Variants in CSMD3 observed in about 807,000 individuals in gnomAD.
CSMD3 encodes CUB and Sushi multiple domains 3, also known as CUB and sushi domain-containing protein 3.
Under a neutral mutation model 435.2 loss-of-function variants are expected in CSMD3, and 177 were observed. The ratio of observed to expected loss-of-function variants is 0.41; its 90% CI spans 0.36 to 0.46. The LOEUF (loss-of-function observed/expected upper bound fraction) is 0.46, where lower values mean the gene tolerates loss of function less well. CSMD3 is among the 20% of genes least tolerant of loss of function. The pLI is 0.34. For missense variants in CSMD3, 4,265 were observed against 4,504.6 expected, an observed-to-expected ratio of 0.95 and a Z score of 1.52; for synonymous variants, 1,656 against 1,520.5, an observed-to-expected ratio of 1.09 and a Z score of -2.07.
chr8:113,227,621 T>C (rs1455741180), intron 3 of CSMD3, among the ~76,000 whole-genome samples: 2 of 151,698 alleles, frequency 1.3e-5, no homozygotes, highest in South Asian at 4.1e-4. Context: ...GATAGTGAGT[T>C]CTCATGAGAT....
Position 113,200,076 on chromosome 8 carries a change from C to T in CSMD3, c.515-26160G>A, listed in dbSNP as rs527334722. Among the ~76,000 whole-genome samples the T allele has an allele frequency of 1.8e-4, 27 of 152,036 alleles. No individual in the cohort carries two copies. The South Asian group carries it at 5.6e-3, about 32-fold the overall frequency. On this transcript the variant is annotated intron_variant, in intron 3 of 70. Coordinates refer to ENST00000297405, the MANE Select transcript of CSMD3 (RefSeq NM_198123.2). The stretch of plus-strand genomic sequence containing the variant: ...TGCCTCATGGGAATCTCAAATTTCA[C>T]GTATCCAAAATGGGCTTCATGCTTT...
At chr8:112,609,575 G>C (rs1440127311) in intron 22 of CSMD3, among the ~76,000 whole-genome samples, 3 of 152,146 alleles carry the variant, frequency 2.0e-5, no homozygotes. Flanking sequence ...GGGAATTTAA[G>C]TTGGCACAGC....
At chr8:113,387,983 T>G (rs2094446403) in intron 1 of CSMD3, among the ~76,000 whole-genome samples, 1 of 151,654 alleles carries the variant, frequency 6.6e-6, no homozygotes, top group African/African-American at 2.4e-5. Flanking sequence ...ACCAGAAGCA[T>G]ATTATATTGT....
intron 9 of CSMD3, among the ~76,000 whole-genome samples, chr8:112,930,692 G>A (rs946832931): frequency 2.6e-5 from 4 of 151,958 alleles, no homozygotes; most frequent in Non-Finnish European, 5.9e-5. Context: ...TACTCTTGAC[G>A]TTTTTACCAG....
At chr8:113,355,743 TATATATACACACACAC>T (rs2094219947) in intron 1 of CSMD3, among the ~76,000 whole-genome samples, 1 of 104,810 alleles carries the variant, frequency 9.5e-6, no homozygotes, top group Admixed American at 9.8e-5. Flanking sequence ...TATATATATA[TATATATACACACACAC>T]ACACACACGG....
chr8:112,392,864 CTT>C (rs56809581), intron 35 of CSMD3, among the ~76,000 whole-genome samples: 21 of 122,150 alleles, frequency 1.7e-4, no homozygotes, highest in African/African-American at 1.9e-4. Context: ...TCTTTTTTTT[CTT>C]TTTTTTTTTT....
At chr8:112,708,288 A>G (rs1194046586) in intron 13 of CSMD3, among the ~76,000 whole-genome samples, 1 of 152,098 alleles carries the variant, frequency 6.6e-6, no homozygotes, top group Non-Finnish European at 1.5e-5. Flanking sequence ...TTCAAGATAT[A>G]AGTGGAAAAG....
intron 5 of CSMD3, among the ~76,000 whole-genome samples, chr8:113,064,400 T>G (rs769141137): frequency 6.6e-6 from 1 of 152,098 alleles, no homozygotes; most frequent in Non-Finnish European, 1.5e-5. Context: ...ATAACTTATT[T>G]AACATGTTCA....
chr8:112,351,696 T>G (rs1228913313), intron 39 of CSMD3, among the ~76,000 whole-genome samples: 1 of 151,968 alleles, frequency 6.6e-6, no homozygotes, highest in Non-Finnish European at 1.5e-5. Context: ...TATAAAGTCC[T>G]GAAAGATCTG....
chr8:112,365,764 G>A (rs1340881606), intron 38 of CSMD3, among the ~76,000 whole-genome samples: 1 of 152,138 alleles, frequency 6.6e-6, no homozygotes, highest in East Asian at 1.9e-4. Flanking sequence ...GAAGGAATGA[G>A]AGAAGAAGAT....
At chr8:113,375,438 T>C (rs887882150) in intron 1 of CSMD3, among the ~76,000 whole-genome samples, 1 of 151,736 alleles carries the variant, frequency 6.6e-6, no homozygotes, top group Non-Finnish European at 1.5e-5. Flanking sequence ...CCCTTTCCAC[T>C]GAAACGAGTA....
At chr8:112,935,096 A>G (rs565359196) in intron 9 of CSMD3, among the ~76,000 whole-genome samples, 2 of 152,238 alleles carry the variant, frequency 1.3e-5, no homozygotes, top group East Asian at 3.9e-4. Flanking sequence ...ATAAGGGTCT[A>G]GTTTCATTCT....
At chr8:113,289,030 C>T (rs2093665785) in intron 2 of CSMD3, among the ~76,000 whole-genome samples, 1 of 151,796 alleles carries the variant, frequency 6.6e-6, no homozygotes, top group South Asian at 2.1e-4. Context: ...TGGAGCTGGA[C>T]TACCTGGAGT....
At chr8:113,129,474 T>C (rs1415175166) in intron 4 of CSMD3, among the ~76,000 whole-genome samples, 1 of 152,136 alleles carries the variant, frequency 6.6e-6, no homozygotes, top group African/African-American at 2.4e-5. Context: ...GGAAATTTAG[T>C]TCACCTTATT....
intron 5 of CSMD3, among the ~76,000 whole-genome samples, chr8:113,048,083 C>CTTTTTTTTT (rs35254619): frequency 9.4e-6 from 1 of 106,950 alleles, no homozygotes. Context: ...AACTTCAATT[C>CTTTTTTTTT]TTTTTTTTTT....
intron 32 of CSMD3, among the ~76,000 whole-genome samples, chr8:112,427,022 A>G (rs1422031507): frequency 1.3e-5 from 2 of 152,206 alleles, no homozygotes; most frequent in Non-Finnish European, 2.9e-5. Context: ...GCAAATATCA[A>G]TCATATCTGA....
At chr8:113,132,680 G>C (rs552727540) in intron 4 of CSMD3, among the ~76,000 whole-genome samples, 1 of 152,072 alleles carries the variant, frequency 6.6e-6, no homozygotes, top group Admixed American at 6.6e-5. Flanking sequence ...GTGTGAAAGC[G>C]AACTAATACA....
intron 13 of CSMD3, among the ~76,000 whole-genome samples, chr8:112,755,218 C>T (rs918413266): frequency 2.0e-5 from 3 of 151,960 alleles, no homozygotes; most frequent in Non-Finnish European, 4.4e-5. Context: ...GCAGTCCCAG[C>T]TACTCGGGAG....
intron 1 of CSMD3, among the ~76,000 whole-genome samples, chr8:113,384,518 C>A (rs1207515512): frequency 6.6e-6 from 1 of 152,118 alleles, no homozygotes; most frequent in Admixed American, 6.6e-5. Context: ...CAGCTTCCAT[C>A]TCTAGAGCTG....
Sources: allele counts gnomAD v4.1 joint callset (sites outside exome capture counted in the v4.1 genomes callset), GRCh38; gene constraint gnomAD v4.1.1; transcripts MANE v1.5; gene names NCBI Gene and HGNC (gene_info 2026-07-23, HGNC 2026-07-21).